The following PLEKHM1 variants were observed in gnomAD, a reference collection of about 807,000 sequenced individuals.
PLEKHM1 encodes the protein pleckstrin homology and RUN domain containing M1.
A neutral mutation model predicts 94.3 loss-of-function variants in PLEKHM1; 28 were observed. That is an observed-to-expected ratio of 0.30 (90% CI 0.22 to 0.41). The LOEUF (loss-of-function observed/expected upper bound fraction) is 0.41. Among genes scored for constraint, PLEKHM1 ranks in the 10% least tolerant of loss-of-function variants. PLEKHM1 has a pLI of 1.00. For synonymous variants in PLEKHM1, 424 were observed against 581.2 expected (o/e 0.73, Z 3.89); for missense variants, 907 against 1,358.6 (o/e 0.67, Z 5.22).
intron 6 of PLEKHM1, among the ~76,000 whole-genome samples, chr17:45,455,100 C>G (rs1225499839): frequency 1.3e-5 from 2 of 152,212 alleles, no homozygotes; most frequent in African/African-American, 4.8e-5. Context: ...GCACTTCAGC[C>G]TGGGTGACAG....
chr17:45,448,697 G>A (rs893872204), intron 8 of PLEKHM1, among the ~76,000 whole-genome samples: 3 of 152,096 alleles, frequency 2.0e-5, no homozygotes, highest in South Asian at 2.1e-4. Flanking sequence ...CAACAACCCC[G>A]ACACAGACAC....
At position 45,458,342 on chromosome 17, in the gene PLEKHM1, C is replaced by T. The variant is rs1310737931; in HGVS notation, c.1406G>A (p.Gly469Glu). 2 of 1,613,920 alleles carry T rather than the reference C, an allele frequency of 1.2e-6. No individual in the cohort carries two copies. Among genetic ancestry groups the T allele is most frequent in the South Asian group, 2.2e-5 (2 of 91,068 alleles). ...GAGACCAGGCCTTGACCCTGGAGTC[C>T]CCCTGTAAGAAGCTATTGGGTGGTC... ...ASDHPIASYR[G>E]TPGSRPGLHR... The change falls in exon 6 of 12, where the codon GGG becomes GAG. Residue 469 changes from glycine (G) to glutamate (E), a missense_variant. Gly to Glu is a moderately conservative substitution (Grantham distance 98, BLOSUM62 -2). Around this residue, in one of 3 missense-constraint regions of PLEKHM1, gnomAD observed 477 missense variants for 601.5 expected, o/e 0.79. Coordinates refer to ENST00000430334, the MANE Select transcript of PLEKHM1 (RefSeq NM_014798.3).
At chr17:45,452,151 G>A (rs1478916997) in intron 7 of PLEKHM1, among the ~76,000 whole-genome samples, 3 of 152,120 alleles carry the variant, frequency 2.0e-5, no homozygotes, top group Admixed American at 6.6e-5. Context: ...TCTGCCCCTG[G>A]ATGGTGGGGG....
rs980116908 is a variant in PLEKHM1, at chr17:45,488,796, G to A, written c.-42+1856C>T. Among the ~76,000 whole-genome samples, 30 of 152,190 alleles carry A rather than the reference G, an allele frequency of 2.0e-4. No homozygotes were observed. The South Asian group carries it at 3.1e-3, about 16-fold the overall frequency. ...CTCTACTAAAAATACAAAACTAGCCGGGCATGGTGGTGTATGCCTGTAATC... is the reference window on the plus strand; with the variant it reads ...CTCTACTAAAAATACAAAACTAGCCAGGCATGGTGGTGTATGCCTGTAATC... On this transcript the variant is annotated intron_variant, in intron 1 of 11. Coordinates refer to ENST00000430334, the MANE Select transcript of PLEKHM1 (RefSeq NM_014798.3).
intron 10 of PLEKHM1, 143 bp from the exon 11 acceptor site, chr17:45,439,777 A>G: frequency 1.8e-6 from 2 of 1,108,208 alleles, no homozygotes; most frequent in Non-Finnish European, 2.7e-6. Flanking sequence ...CCGTTTCCAC[A>G]CGGGCAAGAA....
chr17:45,446,386 G>A (rs1321594585), intron 8 of PLEKHM1: 1 of 153,108 alleles, frequency 6.5e-6, no homozygotes, highest in African/African-American at 2.4e-5. Flanking sequence ...TTCTAGATAA[G>A]GAAACGGAGG....
Position 45,454,187 on chromosome 17 carries a change from G to A in PLEKHM1, c.1665C>T (p.Cys555=), listed in dbSNP as rs758192483. Residue 555 remains cysteine, a synonymous_variant, in exon 7 of 12, where the codon TGC becomes TGT. Coordinates refer to ENST00000430334, the MANE Select transcript of PLEKHM1 (RefSeq NM_014798.3). The stretch of plus-strand genomic sequence containing the variant: ...GGCGGAACTCCAGCGGGGAGAGCTC[G>A]CAGAAGAGCTCCTTCCAGATGCCCA... The part of the protein sequence containing the change: ...GAMGIWKELF[C]ELSPLEFRLY... The A allele has an allele frequency of 3.7e-6, 6 of 1,612,958 alleles. No individual in the cohort carries two copies. Among genetic ancestry groups the A allele is most frequent in the East Asian group, 2.2e-5 (1 of 44,852 alleles).
chr17:45,472,453 CAT>C (rs1330273286), intron 4 of PLEKHM1, among the ~76,000 whole-genome samples: 1 of 152,148 alleles, frequency 6.6e-6, no homozygotes, highest in African/African-American at 2.4e-5. Flanking sequence ...TCACAAGACA[CAT>C]GAGATAAAGG....
At position 45,475,529 on chromosome 17, in the gene PLEKHM1, A is replaced by T; in HGVS notation, c.494T>A (p.Leu165His). The T allele has an allele frequency of 6.2e-7, 1 of 1,611,720 alleles. No individual in the cohort carries two copies. The highest frequency in any genetic ancestry group is 8.5e-7 in the Non-Finnish European group (1 of 1,177,890). The part of the protein sequence containing the change: ...LRDAEEGEFL[L>H]SFLQGLTSLS... ...GGACGTGAGGCCCTGCAGGAAGCTA[A>T]GGAGGAACTCGCCCTCCTCAGCATC... The change falls in exon 4 of 12, where the codon CTT becomes CAT. Residue 165 changes from leucine to histidine, a missense_variant. Leu to His is a moderately conservative substitution (Grantham distance 99). Coordinates refer to ENST00000430334, the MANE Select transcript of PLEKHM1 (RefSeq NM_014798.3).
Position 45,453,832 on chromosome 17 carries a change from A to T in PLEKHM1, c.2020T>A (p.Trp674Arg). 12 of 1,613,996 alleles carry T rather than the reference A, an allele frequency of 7.4e-6. No homozygotes were observed. Among genetic ancestry groups the T allele is most frequent in the Non-Finnish European group, 1.0e-5 (12 of 1,179,874 alleles). ...GGCTCTGGAACCTGGGCGGACGACC[A>T]GTCAAACTGTGTGCCCTGGAGGGCC... ...PAALQGTQFD[W>R]SSAQVPEPDA... Residue 674 changes from tryptophan to arginine, a missense_variant, in exon 7 of 12, where the codon TGG becomes AGG. This residue lies in a region of PLEKHM1 where 477 missense variants were observed against 601.5 expected (regional missense o/e 0.79). Coordinates refer to ENST00000430334, the MANE Select transcript of PLEKHM1 (RefSeq NM_014798.3). This position sits in a 1 kb window ranked among gnomAD's most constrained non-coding sequence, Gnocchi z 4.1.
At chr17:45,490,522 C>G (rs2052280809) in intron 1 of PLEKHM1, 130 bp downstream of exon 1, 4 of 369,404 alleles carry the variant, frequency 1.1e-5, no homozygotes, top group South Asian at 7.5e-5. Context: ...GCTGAGGGCC[C>G]TGAAGCCGGG....
intron 1 of PLEKHM1, among the ~76,000 whole-genome samples, chr17:45,489,849 G>C (rs969097138): frequency 1.3e-5 from 2 of 152,192 alleles, no homozygotes; most frequent in Non-Finnish European, 2.9e-5. Flanking sequence ...GGGGTGAAGA[G>C]TTGCGGTGGG....
At chr17:45,486,216 CA>C (rs1214022191) in intron 1 of PLEKHM1, among the ~76,000 whole-genome samples, 4 of 79,922 alleles carry the variant, frequency 5.0e-5, no homozygotes, top group South Asian at 3.3e-4. Flanking sequence ...GACTCCGTCT[CA>C]AAAAAAAAAA....
chr17:45,438,923 C>T lies in PLEKHM1; in HGVS notation c.3059+554G>A, dbSNP rs572755427. On this transcript the variant is annotated intron_variant, in intron 11 of 11. Transcript: ENST00000430334. Reference sequence around the variant, plus strand: ...GGGCTGCATCCCGGCCAGTGGACACCGACAGAAAAAGAACTAATGTTCCCA... The same window carrying T: ...GGGCTGCATCCCGGCCAGTGGACACTGACAGAAAAAGAACTAATGTTCCCA... 2.6e-4 allele frequency among the ~76,000 whole-genome samples: 40 copies of T among 152,322 alleles called. No homozygotes were observed. In the East Asian group the frequency reaches 3.1e-3, roughly 12 times the overall value.
intron 5 of PLEKHM1, among the ~76,000 whole-genome samples, chr17:45,467,092 C>G (rs1281407516): frequency 1.3e-5 from 2 of 152,122 alleles, no homozygotes; most frequent in African/African-American, 2.4e-5. Flanking sequence ...TATGTACAGC[C>G]ACACACCACC....
intron 1 of PLEKHM1, among the ~76,000 whole-genome samples, chr17:45,490,296 A>C (rs1444139371): frequency 6.6e-6 from 1 of 150,990 alleles, no homozygotes; most frequent in Non-Finnish European, 1.5e-5. Flanking sequence ...GTGGGGAGAG[A>C]GGATGAGGTG....
intron 4 of PLEKHM1, among the ~76,000 whole-genome samples, chr17:45,468,974 T>G (rs1373679338): frequency 6.6e-5 from 10 of 150,872 alleles, no homozygotes; most frequent in Admixed American, 6.0e-4. Flanking sequence ...AAACATGGTA[T>G]GCAGCAGAGC....
In PLEKHM1 at chr17:45,444,499, C is replaced by T. The variant is rs537393610; in HGVS notation, c.2837+971G>A. On this transcript the variant is annotated intron_variant, in intron 9 of 11. Coordinates refer to ENST00000430334, the MANE Select transcript of PLEKHM1 (RefSeq NM_014798.3). This position sits in a 1 kb window ranked among gnomAD's most constrained non-coding sequence, Gnocchi z 5.0. ...TGAAGGGCATCCTGAGGGCCCCGCC[C>T]GGATCACGTCTTCTTTGGAGAATTT... Among the ~76,000 whole-genome samples, 41 of 152,314 alleles carry T rather than the reference C, an allele frequency of 2.7e-4. No homozygotes were observed. Among genetic ancestry groups the T allele is most frequent in the African/African-American group, 8.4e-4 (35 of 41,584 alleles).
intron 8 of PLEKHM1, among the ~76,000 whole-genome samples, chr17:45,449,296 A>G (rs1241613131): frequency 6.6e-6 from 1 of 150,824 alleles, no homozygotes; most frequent in African/African-American, 2.4e-5. Context: ...CCGTCCACCC[A>G]TCTACCCATC....
Sources: allele counts gnomAD v4.1 joint callset (sites outside exome capture counted in the v4.1 genomes callset), GRCh38; gene constraint gnomAD v4.1.1; regional missense constraint gnomAD v4.1.1; non-coding constraint Gnocchi (gnomAD v3.1); transcripts MANE v1.5; gene names NCBI Gene and HGNC (gene_info 2026-07-23, HGNC 2026-07-21).